NXPH1: variants seen among roughly 807,000 people sequenced by gnomAD.
NXPH1 encodes the protein neurexophilin-1.
Under a neutral mutation model 23.7 loss-of-function variants are expected in NXPH1, and 5 were observed. That is an observed-to-expected ratio of 0.21 (90% CI 0.11 to 0.44). NXPH1 has a LOEUF of 0.44. NXPH1 is among the 20% of genes least tolerant of loss of function. The pLI, the probability that NXPH1 is intolerant of heterozygous loss-of-function variation, is 0.99. For missense variants in NXPH1, 324 were observed against 321.6 expected, an observed-to-expected ratio of 1.01 and a Z score of -0.06; for synonymous variants, 144 against 122.2, an observed-to-expected ratio of 1.18 and a Z score of -1.18.
At chr7:8,665,820 T>C (rs552052576) in intron 2 of NXPH1, among the ~76,000 whole-genome samples, 2 of 151,780 alleles carry the variant, frequency 1.3e-5, no homozygotes, top group East Asian at 3.9e-4. Flanking sequence ...AGTTTGTTGT[T>C]AGTGTATAGA....
chr7:8,610,426 T>C (rs1277003835), intron 2 of NXPH1, among the ~76,000 whole-genome samples: 1 of 152,170 alleles, frequency 6.6e-6, no homozygotes, highest in Non-Finnish European at 1.5e-5. Flanking sequence ...CAGGACGTGT[T>C]AGAGGAGCAC....
At chr7:8,711,183 CT>C (rs1219544519) in intron 2 of NXPH1, among the ~76,000 whole-genome samples, 1 of 152,040 alleles carries the variant, frequency 6.6e-6, no homozygotes, top group Admixed American at 6.6e-5. Flanking sequence ...CTCAATACAC[CT>C]GGAGAAGAAA....
chr7:8,625,803 A>C (rs1391899726), intron 2 of NXPH1, among the ~76,000 whole-genome samples: 1 of 152,174 alleles, frequency 6.6e-6, no homozygotes, highest in Non-Finnish European at 1.5e-5. Context: ...GATCAATGTC[A>C]AGCTAAAGAT....
chr7:8,679,057 C>T (rs1221474632), intron 2 of NXPH1, among the ~76,000 whole-genome samples: 2 of 149,958 alleles, frequency 1.3e-5, no homozygotes, highest in Non-Finnish European at 3.0e-5. Flanking sequence ...ACGCCATTCT[C>T]CTGCCTCAAC....
chr7:8,506,517 T>G (rs1817525774), intron 2 of NXPH1, among the ~76,000 whole-genome samples: 1 of 152,086 alleles, frequency 6.6e-6, no homozygotes, highest in Non-Finnish European at 1.5e-5. Flanking sequence ...TACTTGCTGG[T>G]CTAGGAACAG....
At chr7:8,509,656 G>C (rs1297326589) in intron 2 of NXPH1, among the ~76,000 whole-genome samples, 1 of 152,064 alleles carries the variant, frequency 6.6e-6, no homozygotes, top group Non-Finnish European at 1.5e-5. Context: ...TCATCTGAGA[G>C]AGGAGAGTGA....
chr7:8,628,683 C>A, intron 2 of NXPH1, among the ~76,000 whole-genome samples: 1 of 151,596 alleles, frequency 6.6e-6, no homozygotes, highest in Non-Finnish European at 1.5e-5. Flanking sequence ...CAACAATGTT[C>A]TTGAGTGGTA....
intron 2 of NXPH1, among the ~76,000 whole-genome samples, chr7:8,616,142 T>A (rs1011590418): frequency 6.6e-6 from 1 of 152,084 alleles, no homozygotes; most frequent in African/African-American, 2.4e-5. Context: ...ATTGGTCTCC[T>A]GCTACCTTTC....
intron 2 of NXPH1, among the ~76,000 whole-genome samples, chr7:8,457,916 G>A (rs1391962824): frequency 6.6e-6 from 1 of 152,096 alleles, no homozygotes; most frequent in Non-Finnish European, 1.5e-5. Flanking sequence ...CAAGAACCAA[G>A]GCCAGGAATG....
chr7:8,669,679 G>A (rs73068822), intron 2 of NXPH1, among the ~76,000 whole-genome samples: 10,515 of 152,128 alleles, frequency 0.069, 502 homozygotes, highest in East Asian at 0.24. Context: ...TTACTGGAGT[G>A]AGCCTGGTGT....
chr7:8,668,993 G>A (rs976428261), intron 2 of NXPH1, among the ~76,000 whole-genome samples: 1 of 152,168 alleles, frequency 6.6e-6, no homozygotes, highest in Non-Finnish European at 1.5e-5. Flanking sequence ...CCTGGAGCAT[G>A]GGTGTGTGAG....
At chr7:8,541,022 G>T (rs576563340) in intron 2 of NXPH1, among the ~76,000 whole-genome samples, 1 of 151,688 alleles carries the variant, frequency 6.6e-6, no homozygotes, top group Non-Finnish European at 1.5e-5. Context: ...GATCTACAAT[G>T]TCTGGCATTT....
At chr7:8,729,926 T>A (rs971200862) in intron 2 of NXPH1, among the ~76,000 whole-genome samples, 1 of 145,764 alleles carries the variant, frequency 6.9e-6, no homozygotes, top group Admixed American at 6.8e-5. Flanking sequence ...ATCTGTCTAA[T>A]GTTGACAGTG....
rs564773334 is a variant in NXPH1, at chr7:8,549,222, T to G, written c.54+113455T>G. ...TGATTCCAGATCCCACTAGAGTCTC[T>G]TATCAAATGTGGCCTCATTAAGTGC... On this transcript the variant is annotated intron_variant, in intron 2 of 2. Transcript: ENST00000405863. Among the ~76,000 whole-genome samples, 11 of 151,662 alleles carry G rather than the reference T, an allele frequency of 7.3e-5. 1 individual carries two copies. Among genetic ancestry groups the G allele is most frequent in the Admixed American group, 5.3e-4 (8 of 15,218 alleles).
chr7:8,626,256 C>T (rs185005454), intron 2 of NXPH1, among the ~76,000 whole-genome samples: 30 of 151,912 alleles, frequency 2.0e-4, no homozygotes, highest in Non-Finnish European at 4.1e-4. Flanking sequence ...TGTAATGAAG[C>T]ATGGTTGGAT....
At chr7:8,472,968 A>G (rs1266470414) in intron 2 of NXPH1, among the ~76,000 whole-genome samples, 1 of 152,136 alleles carries the variant, frequency 6.6e-6, no homozygotes, top group Non-Finnish European at 1.5e-5. Context: ...CTACCTTGTC[A>G]CTGAAACATC....
chr7:8,635,287 C>T (rs1464075544), intron 2 of NXPH1, among the ~76,000 whole-genome samples: 1 of 152,224 alleles, frequency 6.6e-6, no homozygotes, highest in Non-Finnish European at 1.5e-5. Flanking sequence ...AACTAACACA[C>T]AGCAGTCTTT....
intron 2 of NXPH1, among the ~76,000 whole-genome samples, chr7:8,661,207 T>C (rs1053958369): frequency 1.3e-5 from 2 of 152,202 alleles, no homozygotes; most frequent in Non-Finnish European, 2.9e-5. Flanking sequence ...CATTTGAAAC[T>C]TTTTGTTGCC....
At chr7:8,736,106 G>T (rs1780250016) in intron 2 of NXPH1, among the ~76,000 whole-genome samples, 1 of 152,026 alleles carries the variant, frequency 6.6e-6, no homozygotes, top group African/African-American at 2.4e-5. Flanking sequence ...TTTTTTGAAG[G>T]ATTTTTTGTG....
Sources: allele counts gnomAD v4.1 joint callset (sites outside exome capture counted in the v4.1 genomes callset), GRCh38; gene constraint gnomAD v4.1.1; transcripts MANE v1.5; gene names NCBI Gene and HGNC (gene_info 2026-07-23, HGNC 2026-07-21).